KMT5B: variants seen among roughly 807,000 people sequenced by gnomAD.
KMT5B encodes the protein lysine methyltransferase 5B, also known as histone-lysine N-methyltransferase KMT5B.
A neutral mutation model predicts 83.2 loss-of-function variants in KMT5B; 10 were observed. That is an observed-to-expected ratio of 0.12 (90% CI 0.07 to 0.20). KMT5B has a LOEUF of 0.20. Among genes scored for constraint, KMT5B ranks in the 10% least tolerant of loss-of-function variants. KMT5B has a pLI of 1.00. For missense variants in KMT5B, 753 were observed against 1,067.2 expected (o/e 0.71, Z 4.10); for synonymous variants, 349 against 388.8 (o/e 0.90, Z 1.20).
chr11:68,192,446 G>C (rs1207216434), intron 1 of KMT5B, among the ~76,000 whole-genome samples: 1 of 152,184 alleles, frequency 6.6e-6, no homozygotes, highest in East Asian at 1.9e-4. Flanking sequence ...GTTTAGAACA[G>C]TACTGACAAA....
chr11:68,194,600 A>C (rs554617616), intron 1 of KMT5B, among the ~76,000 whole-genome samples: 4 of 152,352 alleles, frequency 2.6e-5, no homozygotes, highest in Non-Finnish European at 5.9e-5. Context: ...TCTGCATTAA[A>C]GCTCTCCATC....
At chr11:68,162,615 C>G (rs1854964651) in intron 10 of KMT5B, among the ~76,000 whole-genome samples, 2 of 152,188 alleles carry the variant, frequency 1.3e-5, no homozygotes, top group Non-Finnish European at 1.5e-5. Context: ...CTGAATTCGG[C>G]TCTCCCCATC....
chr11:68,181,403 T>A (rs747831376), intron 3 of KMT5B, among the ~76,000 whole-genome samples: 1 of 152,110 alleles, frequency 6.6e-6, no homozygotes, highest in Non-Finnish European at 1.5e-5. Context: ...ACATTCTTCC[T>A]GTTGGTAGAC....
intron 10 of KMT5B, among the ~76,000 whole-genome samples, chr11:68,159,753 C>T (rs898011968): frequency 6.6e-6 from 1 of 152,126 alleles, no homozygotes; most frequent in Non-Finnish European, 1.5e-5. Flanking sequence ...CAGTCACTAC[C>T]GAAAAAGAAA....
At chr11:68,183,605 C>T (rs1857157654) in intron 3 of KMT5B, among the ~76,000 whole-genome samples, 1 of 151,048 alleles carries the variant, frequency 6.6e-6, no homozygotes, top group African/African-American at 2.4e-5. Flanking sequence ...GTGATCCACC[C>T]ACCTCGGCCT....
chr11:68,201,304 G>GA (rs1307317136), intron 1 of KMT5B, among the ~76,000 whole-genome samples: 4 of 152,022 alleles, frequency 2.6e-5, no homozygotes, highest in African/African-American at 7.2e-5. Context: ...CTTATAATCA[G>GA]AAAAAAACTG....
At chr11:68,210,151 G>A (rs1860703208) in intron 1 of KMT5B, among the ~76,000 whole-genome samples, 1 of 151,988 alleles carries the variant, frequency 6.6e-6, no homozygotes, top group Non-Finnish European at 1.5e-5. Flanking sequence ...GGCCGGTACT[G>A]TTTTCTTTAG....
rs141179915 is a variant in KMT5B at position 68,158,119 on chromosome 11, T to C, written c.2227A>G (p.Ile743Val). ...QENDGMNSSKISIKLSKDHDN... is the reference protein window; with the variant it reads ...QENDGMNSSKVSIKLSKDHDN... The stretch of plus-strand genomic sequence containing the variant: ...TGGTCTTTGCTTAACTTGATGCTTA[T>C]TTTGGAAGAGTTCATTCCATCATTC... The change falls in exon 11 of 11, where the codon ATA becomes GTA. Residue 743 changes from isoleucine (I) to valine (V), a missense_variant. Transcript: ENST00000304363. The C allele has an allele frequency of 2.6e-5, 42 of 1,614,220 alleles. No individual in the cohort carries two copies. The African/African-American group carries it at 4.1e-4, about 16-fold the overall frequency.
In KMT5B at chr11:68,175,059, G is replaced by C. The variant is rs1347054619; in HGVS notation, c.502C>G (p.Leu168Val). 5.6e-6 allele frequency: 9 copies of C among 1,613,636 alleles called. No individual in the cohort carries two copies. The South Asian group carries it at 9.9e-5, about 18-fold the overall frequency. Residue 168 changes from leucine (L) to valine (V), a missense_variant, in exon 5 of 11, where the codon CTC (leucine) becomes GTC (valine). Leu to Val is a conservative substitution (Grantham distance 32, BLOSUM62 1). This residue lies in a region of KMT5B where 71 missense variants were observed against 107.0 expected (regional missense o/e 0.66). Transcript: ENST00000304363. The part of the protein sequence containing the change: ...TSGEWARHYF[L>V]NKNKMQEKLF... ...TTCTCCTGCATTTTATTCTTGTTGA[G>C]AAAATAGTGCCGTGCCCATTCGCCT...
At chr11:68,166,034 C>A (rs1251434333) in intron 10 of KMT5B, 2 of 1,598,732 alleles carry the variant, frequency 1.3e-6, no homozygotes, top group Non-Finnish European at 1.7e-6. Context: ...TCTCAGAGGG[C>A]TCTAAGGTGC....
intron 6 of KMT5B, among the ~76,000 whole-genome samples, chr11:68,173,447 G>A (rs1281859258): frequency 6.6e-6 from 1 of 152,108 alleles, no homozygotes; most frequent in Non-Finnish European, 1.5e-5. Flanking sequence ...CATAAAACTA[G>A]GATCATTAAA....
Position 68,209,995 on chromosome 11 carries a change from T to C in KMT5B, c.-77+3143A>G, listed in dbSNP as rs1384360789. Among the ~76,000 whole-genome samples, 30 of 151,640 alleles carry C rather than the reference T, an allele frequency of 2.0e-4. 1 individual carries two copies. Among genetic ancestry groups the C allele is most frequent in the Admixed American group, 2.0e-3 (30 of 15,190 alleles). On this transcript the variant is annotated intron_variant, in intron 1 of 10. Coordinates refer to ENST00000304363, the MANE Select transcript of KMT5B (RefSeq NM_017635.5). ...CATTCTCCTGCCTCAACCTCCGGAG[T>C]AGCTGGGACTACAGGCTAATTTTTG...
intron 9 of KMT5B, among the ~76,000 whole-genome samples, chr11:68,167,457 T>C (rs1855418027): frequency 1.4e-5 from 2 of 139,606 alleles, no homozygotes; most frequent in South Asian, 4.5e-4. Flanking sequence ...AATTTTTTCC[T>C]TTTTTTTTTT....
rs890729421 is a variant in KMT5B, at chr11:68,173,676, G to A, written c.653+128C>T. On this transcript the variant is annotated intron_variant, in intron 6 of 10. Coordinates refer to ENST00000304363, the MANE Select transcript of KMT5B (RefSeq NM_017635.5). Reference sequence around the variant, plus strand: ...ACTCCAGCTGATGGGCCAAGGCAACGGCGATGCATTGGCTACTTCAGGGTA... The same window carrying A: ...ACTCCAGCTGATGGGCCAAGGCAACAGCGATGCATTGGCTACTTCAGGGTA... 8.3e-5 allele frequency: 52 copies of A among 626,892 alleles called. No individual in the cohort carries two copies. In the Admixed American group the frequency reaches 9.3e-4, roughly 11 times the overall value. 38.8% of individuals were successfully genotyped at this position (626,892 alleles called of 1,614,324 possible).
upstream of KMT5B, chr11:68,213,642 G>A (rs1861299582): frequency 6.5e-6 from 1 of 153,788 alleles, no homozygotes; most frequent in Non-Finnish European, 1.5e-5. Context: ...CCCCCGGTGA[G>A]CCGCCTGGAC....
intron 1 of KMT5B, among the ~76,000 whole-genome samples, chr11:68,195,929 G>A (rs1216505838): frequency 6.6e-6 from 1 of 152,168 alleles, no homozygotes; most frequent in African/African-American, 2.4e-5. Flanking sequence ...GGCCCAGGTG[G>A]GCAGATCACT....
rs183505938 is a variant in KMT5B, at chr11:68,158,675, T to A, written c.1671A>T (p.Glu557Asp). ...NLKEASDIKL[E>D]PNTLNGYKSS... ...TTTTATAGCCATTCAACGTATTTGG[T>A]TCAAGCTTGATGTCAGAGGCCTCCT... Residue 557 changes from glutamate to aspartate, a missense_variant, in exon 11 of 11, where the codon GAA becomes GAT. Glu to Asp is a conservative substitution (Grantham distance 45). This residue lies in a region of KMT5B where 397 missense variants were observed against 395.9 expected (regional missense o/e 1.00). Coordinates refer to ENST00000304363, the MANE Select transcript of KMT5B (RefSeq NM_017635.5). 6.2e-7 allele frequency: 1 copy of A among 1,614,106 alleles called. No homozygotes were observed. The highest frequency in any genetic ancestry group is 8.5e-7 in the Non-Finnish European group (1 of 1,180,016).
intron 2 of KMT5B, among the ~76,000 whole-genome samples, chr11:68,189,030 A>G (rs1160770454): frequency 1.3e-5 from 2 of 152,226 alleles, no homozygotes; most frequent in Non-Finnish European, 2.9e-5. Context: ...GCCTGGGCCC[A>G]ATGAATCGCA....
At chr11:68,189,688 G>T in intron 2 of KMT5B, 1 of 366,970 alleles carries the variant, frequency 2.7e-6, no homozygotes, top group South Asian at 7.4e-5. Flanking sequence ...TAAAGTAACA[G>T]ACAGAAAAGC....
Sources: gnomAD v4.1 joint callset for allele counts (sites outside exome capture counted in the v4.1 genomes callset) on GRCh38, gnomAD v4.1.1 for gene constraint, gnomAD v4.1.1 regional missense constraint, MANE v1.5 for transcripts, NCBI Gene and HGNC (gene_info 2026-07-23, HGNC 2026-07-21) for gene names.